FOXJ3: variants seen among roughly 807,000 people sequenced by gnomAD.
The protein encoded by FOXJ3 is forkhead box J3, also known as forkhead box protein J3.
A neutral mutation model predicts 76.1 loss-of-function variants in FOXJ3; 22 were observed. That is an observed-to-expected ratio of 0.29 (90% CI 0.21 to 0.41). The LOEUF (loss-of-function observed/expected upper bound fraction) is 0.41, where lower values mean the gene tolerates loss of function less well. FOXJ3 is among the 10% of genes least tolerant of loss of function. FOXJ3 has a pLI of 1.00. For missense variants in FOXJ3, 613 were observed against 762.1 expected (o/e 0.80, Z 2.30); for synonymous variants, 269 against 261.2 (o/e 1.03, Z -0.29).
At chr1:42,227,695 A>G (rs916091059) in intron 5 of FOXJ3, among the ~76,000 whole-genome samples, 188 bp downstream of exon 5, 1 of 152,224 alleles carries the variant, frequency 6.6e-6, no homozygotes, top group East Asian at 1.9e-4. Flanking sequence ...CTTAATTCCT[A>G]AACTGTCCCT....
At chr1:42,241,920 G>A (rs781766730) in intron 4 of FOXJ3, among the ~76,000 whole-genome samples, 13 of 152,144 alleles carry the variant, frequency 8.5e-5, no homozygotes, top group Non-Finnish European at 1.8e-4. Flanking sequence ...CTGGCCTACT[G>A]AGCATCCACA....
chr1:42,322,101 A>C (rs1362835833), intron 1 of FOXJ3, among the ~76,000 whole-genome samples: 2 of 152,172 alleles, frequency 1.3e-5, no homozygotes, highest in African/African-American at 4.8e-5. Flanking sequence ...AAGGAACAGA[A>C]TTTGGTACAG....
At chr1:42,270,415 A>G (rs537719306) in intron 3 of FOXJ3, among the ~76,000 whole-genome samples, 1 of 152,362 alleles carries the variant, frequency 6.6e-6, no homozygotes, top group East Asian at 1.9e-4. Flanking sequence ...AAGCTAGGAT[A>G]CAATGTTTTT....
intron 12 of FOXJ3, 88 bp from the exon 13 acceptor site, chr1:42,179,913 C>T (rs564540616): frequency 1.3e-6 from 1 of 797,578 alleles, no homozygotes. Flanking sequence ...TTCCTATATG[C>T]CAGGCACACA....
In FOXJ3 at chr1:42,334,500, T is replaced by C. The variant is rs967581030; in HGVS notation, c.-18+559A>G. On this transcript the variant is annotated intron_variant, in intron 1 of 12. Transcript: ENST00000361346. ...AACACGTCCGCATGGAACGGCTGCCTTTGCCCTAATCCCAGCAAAGGACAC... is the reference window on the plus strand; with the variant it reads ...AACACGTCCGCATGGAACGGCTGCCCTTGCCCTAATCCCAGCAAAGGACAC... 9.2e-5 allele frequency among the ~76,000 whole-genome samples: 14 copies of C among 151,948 alleles called. No individual in the cohort carries two copies. In the East Asian group the frequency reaches 2.7e-3, roughly 30 times the overall value.
rs529988088 is a variant in FOXJ3 at position 42,187,044 on chromosome 1, C to T, written c.1645+1693G>A. Among the ~76,000 whole-genome samples the T allele has an allele frequency of 3.3e-5, 5 of 152,226 alleles. No homozygotes were observed. The East Asian group carries it at 5.8e-4, about 18-fold the overall frequency. ...TGTATTTTTAGTAGAGACGGGGTTT[C>T]GCCATGTTGGCCAGGCTGGTCTCGA... On this transcript the variant is annotated intron_variant, in intron 11 of 12. Transcript: ENST00000361346.
intron 4 of FOXJ3, among the ~76,000 whole-genome samples, chr1:42,261,036 A>G (rs754131346): frequency 6.6e-6 from 1 of 152,248 alleles, no homozygotes; most frequent in Non-Finnish European, 1.5e-5. Flanking sequence ...AACTGAAGAA[A>G]GGGAAACAAA....
intron 5 of FOXJ3, among the ~76,000 whole-genome samples, chr1:42,214,293 T>C (rs756399776): frequency 6.6e-6 from 1 of 152,256 alleles, no homozygotes; most frequent in Non-Finnish European, 1.5e-5. Context: ...TTTTTATTTA[T>C]AGGTGCACTG....
chr1:42,245,205 A>C (rs908411325), intron 4 of FOXJ3, among the ~76,000 whole-genome samples: 9 of 151,016 alleles, frequency 6.0e-5, no homozygotes, highest in Admixed American at 1.3e-4. Flanking sequence ...CAACAAAGAA[A>C]AGCCCAAGAT....
At chr1:42,225,244 G>A (rs1055858349) in intron 5 of FOXJ3, among the ~76,000 whole-genome samples, 3 of 151,946 alleles carry the variant, frequency 2.0e-5, no homozygotes, top group Non-Finnish European at 4.4e-5. Context: ...AACTTAGAGG[G>A]GTATCAATTT....
In FOXJ3 at chr1:42,177,298, A is replaced by G. The variant is rs1646232592; in HGVS notation, c.*2412T>C. ...AAAATATTCATCACTGCAAATCAGTAAATGATTGCCAAATGGGAAATTCGC... is the reference window on the plus strand; with the variant it reads ...AAAATATTCATCACTGCAAATCAGTGAATGATTGCCAAATGGGAAATTCGC... On this transcript the variant is annotated 3_prime_UTR_variant, in exon 13 of 13. Transcript: ENST00000361346. The G allele has an allele frequency of 1.3e-5, 2 of 152,682 alleles. No homozygotes were observed. The highest frequency in any genetic ancestry group is 1.3e-4 in the Admixed American group (2 of 15,288). The allele number at this position is 152,682 out of a possible 1,614,324, so 9.5% of individuals were successfully genotyped here.
Position 42,316,333 on chromosome 1 carries a change from C to CTTTTTTTTTT in FOXJ3, c.-17-5233_-17-5224dup, listed in dbSNP as rs71065173. 1.2e-3 allele frequency among the ~76,000 whole-genome samples: 92 copies of CTTTTTTTTTT among 73,908 alleles called. 12 individuals are homozygous for CTTTTTTTTTT. Among genetic ancestry groups the CTTTTTTTTTT allele is most frequent in the African/African-American group, 3.3e-3 (76 of 23,032 alleles). The allele number at this position is 73,908 out of a possible 152,430, so 48.5% of individuals were successfully genotyped here. ...ACAGGTGCACACCACTGCATTGGGC[C>CTTTTTTTTTT]TTTTTTTTTTTTTTTTCTGTAGAAA... On this transcript the variant is annotated intron_variant, in intron 1 of 12. Coordinates refer to ENST00000361346, the MANE Select transcript of FOXJ3 (RefSeq NM_014947.5).
At chr1:42,222,201 CTT>C (rs1221058696) in intron 5 of FOXJ3, among the ~76,000 whole-genome samples, 1 of 151,572 alleles carries the variant, frequency 6.6e-6, no homozygotes, top group Non-Finnish European at 1.5e-5. Context: ...GAGGGCATTC[CTT>C]TTTACAACCA....
At chr1:42,181,884 C>CACAT in intron 12 of FOXJ3, 33 bp downstream of exon 12, 1 of 1,405,528 alleles carries the variant, frequency 7.1e-7, no homozygotes, top group Non-Finnish European at 1.0e-6. Context: ...CACACACACA[C>CACAT]ACACACACAC....
chr1:42,224,666 A>G (rs1647402819), intron 5 of FOXJ3, among the ~76,000 whole-genome samples: 1 of 152,040 alleles, frequency 6.6e-6, no homozygotes, highest in Non-Finnish European at 1.5e-5. Flanking sequence ...AGAAAAAATA[A>G]ATAAATAAAA....
chr1:42,240,037 CT>C (rs1437963938), intron 4 of FOXJ3, among the ~76,000 whole-genome samples: 4 of 152,084 alleles, frequency 2.6e-5, no homozygotes, highest in Non-Finnish European at 4.4e-5. Flanking sequence ...TGTGTTTGCT[CT>C]TTCACAGAAA....
intron 4 of FOXJ3, among the ~76,000 whole-genome samples, chr1:42,236,413 C>T (rs1305688381): frequency 3.3e-5 from 5 of 152,204 alleles, no homozygotes. Context: ...CCAAGCTCAT[C>T]TTGAACTTCC....
rs777896501 is a variant in FOXJ3, at chr1:42,311,062, A to G, written c.32T>C (p.Val11Ala). MGLYGQACPS[V>A]TSLRMTSELE... Reference sequence around the variant, plus strand: ...AAAGAGCACTCACCTTAATGAAGTTACAGATGGACAAGCCTGTCCATACAA... The same window carrying G: ...AAAGAGCACTCACCTTAATGAAGTTGCAGATGGACAAGCCTGTCCATACAA... The change falls in exon 2 of 13, where the codon GTA (valine) becomes GCA (alanine). Residue 11 changes from valine to alanine, a missense_variant. Val to Ala is a moderately conservative substitution (Grantham distance 64, BLOSUM62 0). Around this residue, in one of 3 missense-constraint regions of FOXJ3, gnomAD observed 77 missense variants for 115.1 expected, o/e 0.67. Coordinates refer to ENST00000361346, the MANE Select transcript of FOXJ3 (RefSeq NM_014947.5). 2 of 1,590,978 alleles carry G rather than the reference A, an allele frequency of 1.3e-6. No individual in the cohort carries two copies. The highest frequency in any genetic ancestry group is 1.7e-6 in the Non-Finnish European group (2 of 1,172,030).
At chr1:42,304,859 A>T (rs1477238136) in intron 2 of FOXJ3, among the ~76,000 whole-genome samples, 3 of 152,220 alleles carry the variant, frequency 2.0e-5, no homozygotes, top group African/African-American at 7.2e-5. Flanking sequence ...TACACCCCAC[A>T]AGCACAGGCA....
Sources: allele counts gnomAD v4.1 joint callset (sites outside exome capture counted in the v4.1 genomes callset), GRCh38; gene constraint gnomAD v4.1.1; regional missense constraint gnomAD v4.1.1; transcripts MANE v1.5; gene names NCBI Gene and HGNC (gene_info 2026-07-23, HGNC 2026-07-21).